Variants in PPP2R2B observed in about 807,000 individuals in gnomAD.
The protein encoded by PPP2R2B is protein phosphatase 2 regulatory subunit Bbeta.
Under a neutral mutation model 46.0 loss-of-function variants are expected in PPP2R2B, and 5 were observed. The observed-to-expected ratio is 0.11, with a 90% CI of 0.06 to 0.23. PPP2R2B has a LOEUF of 0.23. Among genes scored for constraint, PPP2R2B ranks in the 10% least tolerant of loss-of-function variants. The pLI is 1.00. For synonymous variants in PPP2R2B, 215 were observed against 206.7 expected (o/e 1.04, Z -0.34); for missense variants, 367 against 575.0 (o/e 0.64, Z 3.70).
chr5:146,603,122 A>G (rs1771939768), intron 7 of PPP2R2B, among the ~76,000 whole-genome samples: 1 of 152,156 alleles, frequency 6.6e-6, no homozygotes, highest in African/African-American at 2.4e-5. Context: ...GAGGAGCCAC[A>G]TTGCTTGGCA....
At chr5:146,976,101 T>TA (rs1561551145) in intron 1 of PPP2R2B, among the ~76,000 whole-genome samples, 77 of 144,822 alleles carry the variant, frequency 5.3e-4, no homozygotes, top group African/African-American at 1.9e-3. Flanking sequence ...TTTCATTTTT[T>TA]AAAAAATTTA....
intron 2 of PPP2R2B, among the ~76,000 whole-genome samples, chr5:146,832,293 GTCAGTGAC>G (rs1352876234): frequency 6.7e-6 from 1 of 149,810 alleles, no homozygotes; most frequent in Non-Finnish European, 1.5e-5. Flanking sequence ...TCACTCACTA[GTCAGTGAC>G]TCACCCAGAA....
intron 5 of PPP2R2B, among the ~76,000 whole-genome samples, chr5:146,690,189 T>G (rs1032168422): frequency 3.9e-5 from 6 of 152,214 alleles, no homozygotes; most frequent in Admixed American, 3.3e-4. Flanking sequence ...ACAAGGCTGT[T>G]GGGGCTAGGG....
At chr5:146,917,774 A>T (rs749655687) in intron 1 of PPP2R2B, 3 of 152,194 alleles carry the variant, frequency 2.0e-5, no homozygotes, top group Non-Finnish European at 4.4e-5. Context: ...AGGTGAAGCA[A>T]TGTGAGCAGT....
At chr5:147,061,618 G>T (rs1442224832) in intron 2 of PPP2R2B, among the ~76,000 whole-genome samples, 2 of 152,170 alleles carry the variant, frequency 1.3e-5, no homozygotes, top group African/African-American at 4.8e-5. Context: ...CTGATTGGCA[G>T]TCTGGACTGA....
chr5:146,842,268 A>T (rs1759697755), intron 2 of PPP2R2B, among the ~76,000 whole-genome samples: 1 of 152,182 alleles, frequency 6.6e-6, no homozygotes, highest in South Asian at 2.1e-4. Flanking sequence ...GTACATTTAC[A>T]GCTTTCTTCA....
intron 1 of PPP2R2B, among the ~76,000 whole-genome samples, chr5:147,031,445 T>G (rs184272091): frequency 2.5e-4 from 38 of 151,340 alleles, no homozygotes; most frequent in Admixed American, 1.8e-3. Flanking sequence ...GGTTTTCTTT[T>G]TAGCAGTTCT....
rs145251473 is a variant in PPP2R2B, at chr5:146,734,871, G to A, written c.71-33729C>T. 7.2e-5 allele frequency among the ~76,000 whole-genome samples: 11 copies of A among 152,260 alleles called. No individual in the cohort carries two copies. The East Asian group carries it at 2.1e-3, about 29-fold the overall frequency. On this transcript the variant is annotated intron_variant, in intron 2 of 9. Transcript: ENST00000394411. ...TGCAAAAGTAATTGCAGATTTTGAT[G>A]GCAAAAGCTACAATTACTGTTGCAC...
chr5:147,028,156 T>G (rs1039760937), intron 1 of PPP2R2B, among the ~76,000 whole-genome samples: 2 of 152,206 alleles, frequency 1.3e-5, no homozygotes, highest in African/African-American at 4.8e-5. Flanking sequence ...GGTCTTCAGT[T>G]GGCTTTACCT....
intron 1 of PPP2R2B, among the ~76,000 whole-genome samples, chr5:147,033,850 T>C (rs11167956): frequency 0.77 from 116,901 of 152,008 alleles, 45,219 homozygotes; most frequent in Middle Eastern, 0.8. Flanking sequence ...TCTTGTCCAC[T>C]GTGATAGCCT....
At chr5:146,712,313 C>A (rs1780256922) in intron 2 of PPP2R2B, among the ~76,000 whole-genome samples, 1 of 152,072 alleles carries the variant, frequency 6.6e-6, no homozygotes, top group African/African-American at 2.4e-5. Context: ...ATAAAGTATG[C>A]TCTCTTTTGG....
intron 7 of PPP2R2B, chr5:146,607,244 A>G (rs1190188623): frequency 6.6e-6 from 1 of 152,204 alleles, no homozygotes; most frequent in East Asian, 1.9e-4. Flanking sequence ...CGGACTGACA[A>G]TACTGGCCTT....
chr5:146,631,956 C>T (rs1336049542), intron 7 of PPP2R2B, among the ~76,000 whole-genome samples: 1 of 152,048 alleles, frequency 6.6e-6, no homozygotes, highest in Non-Finnish European at 1.5e-5. Flanking sequence ...CCTGCCCAGG[C>T]TTCTGGCGGC....
intron 1 of PPP2R2B, among the ~76,000 whole-genome samples, chr5:147,010,480 G>T (rs900068536): frequency 6.6e-6 from 1 of 152,116 alleles, no homozygotes; most frequent in African/African-American, 2.4e-5. Flanking sequence ...CCATGTTGGG[G>T]GTGATGGGAG....
At chr5:146,837,775 C>A (rs899999239) in intron 2 of PPP2R2B, among the ~76,000 whole-genome samples, 1 of 152,148 alleles carries the variant, frequency 6.6e-6, no homozygotes, top group Middle Eastern at 3.2e-3. Flanking sequence ...AGCAACATTT[C>A]ACATGCACAA....
chr5:147,033,664 A>G (rs1394783427), intron 1 of PPP2R2B, among the ~76,000 whole-genome samples: 2 of 152,116 alleles, frequency 1.3e-5, no homozygotes, highest in Middle Eastern at 3.2e-3. Flanking sequence ...AAGCCTACAT[A>G]GCAAGTCAAG....
At chr5:146,789,837 G>A (rs1299092237) in intron 2 of PPP2R2B, among the ~76,000 whole-genome samples, 1 of 152,174 alleles carries the variant, frequency 6.6e-6, no homozygotes, top group African/African-American at 2.4e-5. Flanking sequence ...AATGTCTGTG[G>A]ATAAACCTTT....
At chr5:147,040,897 GAGGGCT>G in intron 1 of PPP2R2B, 1 of 401,254 alleles carries the variant, frequency 2.5e-6, no homozygotes, top group Non-Finnish European at 4.8e-6. Flanking sequence ...GTTCTCTCCT[GAGGGCT>G]TATCAAGACA....
chr5:146,700,966 C>A, intron 3 of PPP2R2B, 79 bp downstream of exon 3: 1 of 1,286,234 alleles, frequency 7.8e-7, no homozygotes, highest in Non-Finnish European at 1.1e-6. Context: ...TTAAGGGCGA[C>A]ACATAAGGAT....
Sources: allele counts gnomAD v4.1 joint callset (sites outside exome capture counted in the v4.1 genomes callset), GRCh38; gene constraint gnomAD v4.1.1; transcripts MANE v1.5; gene names NCBI Gene and HGNC (gene_info 2026-07-23, HGNC 2026-07-21).